The following MON2 variants were observed in gnomAD, a reference collection of about 807,000 sequenced individuals.
MON2 encodes MON2 regulator of endosome-to-Golgi trafficking.
MON2 carries 84 observed loss-of-function variants against 208.6 expected under a neutral mutation model. The observed-to-expected ratio is 0.40, with a 90% CI of 0.34 to 0.48. The LOEUF is 0.48. MON2 is among the 20% of genes least tolerant of loss of function. The pLI is 0.59. For synonymous variants in MON2, 660 were observed against 694.0 expected (o/e 0.95, Z 0.77); for missense variants, 1,611 against 2,015.4 (o/e 0.80, Z 3.84).
intron 28 of MON2, 80 bp downstream of exon 28, chr12:62,566,111 G>C (rs2074376572): frequency 6.9e-7 from 1 of 1,452,330 alleles, no homozygotes; most frequent in Admixed American, 2.0e-5. Context: ...GTAGAATGCT[G>C]TATGTGCTTT....
intron 25 of MON2, among the ~76,000 whole-genome samples, chr12:62,556,766 T>C (rs1333058400): frequency 1.3e-5 from 2 of 152,116 alleles, no homozygotes; most frequent in South Asian, 4.1e-4. Flanking sequence ...ATCCAGATCA[T>C]GTAGAATGTG....
At chr12:62,471,885 C>T (rs983316770) in intron 1 of MON2, among the ~76,000 whole-genome samples, 10 of 152,110 alleles carry the variant, frequency 6.6e-5, no homozygotes, top group African/African-American at 2.4e-4. Flanking sequence ...AAGGAAAAAC[C>T]GGGTTTGAAT....
chr12:62,526,771 A>G (rs1565648075), intron 11 of MON2, among the ~76,000 whole-genome samples: 1 of 152,206 alleles, frequency 6.6e-6, no homozygotes, highest in Non-Finnish European at 1.5e-5. Flanking sequence ...CATGGATTTA[A>G]CATTGCTATA....
At chr12:62,492,458 G>A (rs1351698588) in intron 2 of MON2, among the ~76,000 whole-genome samples, 1 of 139,978 alleles carries the variant, frequency 7.1e-6, no homozygotes, top group Non-Finnish European at 1.5e-5. Context: ...TGCAAGCTCC[G>A]CTTCCCGGGT....
At chr12:62,527,571 A>G (rs1278524421) in intron 11 of MON2, among the ~76,000 whole-genome samples, 1 of 152,204 alleles carries the variant, frequency 6.6e-6, no homozygotes, top group Non-Finnish European at 1.5e-5. Flanking sequence ...TATCTAGTTC[A>G]CCTTCCCACC....
chr12:62,516,139 G>GGAC (rs1383063963), intron 8 of MON2, among the ~76,000 whole-genome samples: 10 of 152,116 alleles, frequency 6.6e-5, no homozygotes, highest in Non-Finnish European at 1.5e-4. Flanking sequence ...TGGAACTGCA[G>GGAC]GACATTATGT....
At chr12:62,484,256 T>A in intron 2 of MON2, 23 bp downstream of exon 2, 3 of 1,503,556 alleles carry the variant, frequency 2.0e-6, no homozygotes, top group African/African-American at 1.4e-5. Flanking sequence ...ATTAAAAATT[T>A]AATAATAAAC....
chr12:62,525,335 T>A, intron 10 of MON2, 115 bp downstream of exon 10: 2 of 1,021,104 alleles, frequency 2.0e-6, no homozygotes, highest in Non-Finnish European at 2.9e-6. Context: ...TACCTAAACA[T>A]GTTGGTAGTA....
In MON2 at chr12:62,532,599, G is replaced by T; in HGVS notation, c.1562G>T (p.Gly521Val). The T allele has an allele frequency of 6.2e-7, 1 of 1,613,978 alleles. No homozygotes were observed. The highest frequency in any genetic ancestry group is 2.2e-5 in the East Asian group (1 of 44,866). The change falls in exon 12 of 35, where the codon GGT becomes GTT. Residue 521 changes from glycine to valine, a missense_variant. By Grantham distance (109) the Gly-to-Val change is moderately radical. Coordinates refer to ENST00000393630, the MANE Select transcript of MON2 (RefSeq NM_015026.3). ...GAATGTCAAACCACCACTGAAGAAG[G>T]TTCTTCACCAACACAGTCGACAGAA... The part of the protein sequence containing the change: ...ETECQTTTEE[G>V]SSPTQSTEQQ...
chr12:62,474,500 C>T (rs1437653205), intron 1 of MON2, among the ~76,000 whole-genome samples: 1 of 152,140 alleles, frequency 6.6e-6, no homozygotes, highest in African/African-American at 2.4e-5. Flanking sequence ...TCTCGGCTCA[C>T]CGCAACTTCT....
chr12:62,507,802 T>C (rs1188265442), intron 7 of MON2, among the ~76,000 whole-genome samples: 1 of 152,164 alleles, frequency 6.6e-6, no homozygotes, highest in East Asian at 1.9e-4. Context: ...AGCATCTTGC[T>C]CTGTTACCCA....
Position 62,580,508 on chromosome 12 carries a change from A to C in MON2, c.4699+88A>C, listed in dbSNP as rs1592457117. 3.4e-6 allele frequency: 4 copies of C among 1,176,134 alleles called. No homozygotes were observed. In the East Asian group the frequency reaches 9.7e-5, roughly 29 times the overall value. 72.9% of individuals were successfully genotyped at this position (1,176,134 alleles called of 1,614,324 possible). A position where few individuals can be genotyped will look rare whatever the true frequency, so the allele number is the denominator to read the frequency against. ...AATGTTTAATCCTATGATTTTGGTAATGTAAACTGGAGAATGGTAAGGTGA... is the reference window on the plus strand; with the variant it reads ...AATGTTTAATCCTATGATTTTGGTACTGTAAACTGGAGAATGGTAAGGTGA... On this transcript the variant is annotated intron_variant, in intron 32 of 34. Coordinates refer to ENST00000393630, the MANE Select transcript of MON2 (RefSeq NM_015026.3).
At chr12:62,476,437 C>CTT (rs113521160) in intron 1 of MON2, among the ~76,000 whole-genome samples, 12 of 141,978 alleles carry the variant, frequency 8.5e-5, no homozygotes, top group East Asian at 2.0e-4. Flanking sequence ...TTGAATTTCA[C>CTT]TTTTTTTTTT....
At chr12:62,545,781 C>T (rs1565669639) in intron 21 of MON2, 1 of 152,064 alleles carries the variant, frequency 6.6e-6, no homozygotes, top group Non-Finnish European at 1.5e-5. Context: ...GAATACCCCA[C>T]CTGGAATAAG....
At chr12:62,547,121 AT>A in intron 22 of MON2, 49 bp downstream of exon 22, 1 of 1,184,212 alleles carries the variant, frequency 8.4e-7, no homozygotes, top group South Asian at 2.5e-5. Context: ...AAAATAAAAT[AT>A]AAATAAAATA....
chr12:62,521,547 T>C (rs1313309915), intron 8 of MON2, among the ~76,000 whole-genome samples: 1 of 152,184 alleles, frequency 6.6e-6, no homozygotes, highest in Non-Finnish European at 1.5e-5. Flanking sequence ...GACCACACTT[T>C]GGGAATGACT....
rs146805677 is a variant in MON2 at position 62,568,469 on chromosome 12, G to A, written c.4323+2019G>A. ...TCTTCCTGCCTCAGCCTCCCAAGTC[G>A]CTGGGACTACAGGTGGGCACCACCA... is the stretch of plus-strand genomic sequence containing the variant. On this transcript the variant is annotated intron_variant, in intron 29 of 34. Transcript: ENST00000393630. Among the ~76,000 whole-genome samples the A allele has an allele frequency of 3.4e-3, 523 of 152,070 alleles. 2 individuals carry two copies. Among genetic ancestry groups the A allele is most frequent in the South Asian group, 0.02 (94 of 4,808 alleles).
chr12:62,535,446 G>T lies in MON2; in HGVS notation c.1716-79G>T, dbSNP rs939755405. 5 of 1,066,614 alleles carry T rather than the reference G, an allele frequency of 4.7e-6. No homozygotes were observed. The African/African-American group carries it at 6.5e-5, about 14-fold the overall frequency. 66.1% of individuals were successfully genotyped at this position (1,066,614 alleles called of 1,614,324 possible). On this transcript the variant is annotated intron_variant, in intron 13 of 34. Transcript: ENST00000393630. ...GTATAGATTTTCTTAAAATGTCACT[G>T]AATACTTAATTCCACATCATGCTTT...
chr12:62,576,275 G>A (rs1405099798), intron 30 of MON2, among the ~76,000 whole-genome samples: 6 of 151,992 alleles, frequency 3.9e-5, no homozygotes, highest in African/African-American at 1.4e-4. Flanking sequence ...CAAATCCATA[G>A]AGACAAAGTA....
Sources: gnomAD v4.1 joint callset for allele counts (sites outside exome capture counted in the v4.1 genomes callset) on GRCh38, gnomAD v4.1.1 for gene constraint, MANE v1.5 for transcripts, NCBI Gene and HGNC (gene_info 2026-07-23, HGNC 2026-07-21) for gene names.